ADAM20: variants seen among roughly 807,000 people sequenced by gnomAD.
ADAM20 encodes ADAM metallopeptidase domain 20.
For missense variants in ADAM20, 871 were observed against 883.2 expected, an observed-to-expected ratio of 0.99 and a Z score of 0.18; for synonymous variants, 305 against 310.2, an observed-to-expected ratio of 0.98 and a Z score of 0.18.
At chr14:70,566,155 A>G in the ADAM20 span, among the ~76,000 whole-genome samples, 1 of 152,228 alleles carries the variant, frequency 6.6e-6, no homozygotes, top group Non-Finnish European at 1.5e-5. Context: ...GGGTAAATAT[A>G]TAAGTAAATA....
chr14:70,538,043 C>T (rs1350673855), upstream of ADAM20, among the ~76,000 whole-genome samples: 2 of 152,094 alleles, frequency 1.3e-5, no homozygotes, highest in Non-Finnish European at 1.5e-5. Flanking sequence ...AAACTCCTTC[C>T]TCCGAAATCC....
At chr14:70,562,639 G>A in the ADAM20 span, among the ~76,000 whole-genome samples, 1 of 152,162 alleles carries the variant, frequency 6.6e-6, no homozygotes, top group Non-Finnish European at 1.5e-5. Context: ...TCTCATGATA[G>A]TGAGTGAGTT....
upstream of ADAM20, among the ~76,000 whole-genome samples, chr14:70,535,918 T>C (rs552986483): frequency 3.3e-5 from 5 of 152,242 alleles, no homozygotes; most frequent in East Asian, 3.9e-4. Flanking sequence ...TTGTAAGAGA[T>C]ATAAAAGGAT....
At chr14:70,574,344 T>C in the ADAM20 span, among the ~76,000 whole-genome samples, 1 of 152,094 alleles carries the variant, frequency 6.6e-6, no homozygotes. Context: ...TAGCAATATA[T>C]GCTACATTAA....
rs141483299 is a variant in ADAM20, at chr14:70,528,116, A to G, written c.-176-3183T>C. ...TTAAACTATAATTTGGTAGAAAAAT[A>G]TAGCAGAAATATTGTTATTGATATA... is the stretch of plus-strand genomic sequence containing the variant. On this transcript the variant is annotated intron_variant, in intron 1 of 1. Transcript: ENST00000256389. 3.9e-5 allele frequency among the ~76,000 whole-genome samples: 6 copies of G among 152,366 alleles called. No homozygotes were observed. The East Asian group carries it at 1.2e-3, about 29-fold the overall frequency.
chr14:70,538,319 T>C (rs1308136386), upstream of ADAM20, among the ~76,000 whole-genome samples: 3 of 152,198 alleles, frequency 2.0e-5, no homozygotes, highest in African/African-American at 7.2e-5. Context: ...AAACAGCATC[T>C]GGGATCTTTC....
At chr14:70,572,358 C>T in the ADAM20 span, among the ~76,000 whole-genome samples, 4 of 152,182 alleles carry the variant, frequency 2.6e-5, no homozygotes, top group East Asian at 7.7e-4. Flanking sequence ...AAAGGACTCC[C>T]TATTCAATAA....
the ADAM20 span, among the ~76,000 whole-genome samples, chr14:70,546,534 C>A: frequency 1.3e-5 from 2 of 152,064 alleles, no homozygotes; most frequent in South Asian, 4.2e-4. Context: ...TCTGACAACC[C>A]TTTCTAAAGG....
At chr14:70,534,042 C>T (rs1883772595) in intron 1 of ADAM20, among the ~76,000 whole-genome samples, 1 of 133,310 alleles carries the variant, frequency 7.5e-6, no homozygotes, top group Non-Finnish European at 1.5e-5. Context: ...AAGATTGGGC[C>T]ACCGTACTCT....
At chr14:70,541,321 T>C in the ADAM20 span, among the ~76,000 whole-genome samples, 1 of 152,336 alleles carries the variant, frequency 6.6e-6, no homozygotes, top group Admixed American at 6.5e-5. Context: ...TTGCATGGTT[T>C]GCAGCTAGGT....
the ADAM20 span, chr14:70,547,450 C>A: frequency 7.1e-6 from 1 of 141,098 alleles, no homozygotes; most frequent in Non-Finnish European, 1.5e-5. Context: ...TGTGTGCGCA[C>A]CGTGCGCGAG....
At chr14:70,556,666 A>G in the ADAM20 span, 1 of 152,222 alleles carries the variant, frequency 6.6e-6, no homozygotes, top group South Asian at 2.1e-4. Context: ...AGGCCCACTC[A>G]TGTGCGATTT....
At chr14:70,536,465 CAAAAAAAAAAAAAAAA>C (rs56738784), upstream of ADAM20, among the ~76,000 whole-genome samples, 27 of 43,128 alleles carry the variant, frequency 6.3e-4, no homozygotes, top group South Asian at 2.2e-3. Context: ...AACTCTGTCT[CAAAAAAAAAAAAAAAA>C]AAAAAAAAAA....
At chr14:70,532,103 T>C (rs1883724081) in intron 1 of ADAM20, among the ~76,000 whole-genome samples, 13 of 151,990 alleles carry the variant, frequency 8.6e-5, no homozygotes, top group Admixed American at 8.5e-4. Context: ...AAATATATTA[T>C]AAATATACAG....
At chr14:70,577,942 AG>A in the ADAM20 span, among the ~76,000 whole-genome samples, 1 of 152,174 alleles carries the variant, frequency 6.6e-6, no homozygotes, top group African/African-American at 2.4e-5. Flanking sequence ...AGAAAACATA[AG>A]GGAAGCACTT....
chr14:70,534,082 C>CAAAAAAA (rs59828723), intron 1 of ADAM20, among the ~76,000 whole-genome samples: 1 of 54,066 alleles, frequency 1.8e-5, no homozygotes, highest in African/African-American at 5.9e-5. Context: ...GACCCTGTCT[C>CAAAAAAA]AAAAAAAAAA....
chr14:70,543,911 T>C, the ADAM20 span, among the ~76,000 whole-genome samples: 1 of 152,212 alleles, frequency 6.6e-6, no homozygotes, highest in South Asian at 2.1e-4. Flanking sequence ...TTAAGGTTCA[T>C]CTTGATCAAA....
chr14:70,539,792 A>G (rs966079895), upstream of ADAM20, among the ~76,000 whole-genome samples: 1 of 152,064 alleles, frequency 6.6e-6, no homozygotes, highest in Non-Finnish European at 1.5e-5. Flanking sequence ...CCATGTGACC[A>G]TCTCACCTCA....
In ADAM20 at chr14:70,522,606, T is replaced by C. The variant is rs1329939695; in HGVS notation, c.2152A>G (p.Thr718Ala). 5 of 1,611,430 alleles carry C rather than the reference T, an allele frequency of 3.1e-6. No homozygotes were observed. The East Asian group carries it at 8.9e-5, about 29-fold the overall frequency. Residue 718 changes from threonine to alanine, a missense_variant, in exon 2 of 2, where the codon ACA (threonine) becomes GCA (alanine). Transcript: ENST00000256389. ...FCLHVLFKKR[T>A]KSKEDEEG is the part of the protein sequence containing the mutation. ...CCTTCTTCATCTTCTTTACTTTTTG[T>C]GCGTTTCTTAAAAAGCACATGTAAG...
Sources: allele counts gnomAD v4.1 joint callset (sites outside exome capture counted in the v4.1 genomes callset), GRCh38; gene constraint gnomAD v4.1.1; transcripts MANE v1.5; gene names NCBI Gene and HGNC (gene_info 2026-07-23, HGNC 2026-07-21).